ZBTB40: variants seen among roughly 807,000 people sequenced by gnomAD.
The protein encoded by ZBTB40 is zinc finger and BTB domain containing 40.
ZBTB40 carries 60 observed loss-of-function variants against 117.5 expected under a neutral mutation model. The ratio of observed to expected loss-of-function variants is 0.51; its 90% confidence interval spans 0.41 to 0.63. The LOEUF (loss-of-function observed/expected upper bound fraction) is 0.63, where lower values mean the gene tolerates loss of function less well. Among genes scored for constraint, ZBTB40 ranks in the 30% least tolerant of loss-of-function variants. ZBTB40 has a pLI of 0.00. For missense variants in ZBTB40, 1,287 were observed against 1,498.5 expected (o/e 0.86, Z 2.33); for synonymous variants, 525 against 577.1 (o/e 0.91, Z 1.29).
chr1:22,508,858 A>T, intron 8 of ZBTB40, 127 bp downstream of exon 8: 1 of 1,132,114 alleles, frequency 8.8e-7, no homozygotes, highest in African/African-American at 1.6e-5. Flanking sequence ...AAGGACTGGC[A>T]GTTTTGTTCA....
At chr1:22,498,333 C>T (rs1486445400) in intron 3 of ZBTB40, among the ~76,000 whole-genome samples, 2 of 152,198 alleles carry the variant, frequency 1.3e-5, no homozygotes, top group Non-Finnish European at 2.9e-5. Flanking sequence ...ATCCTAATAT[C>T]CTAATACCCT....
chr1:22,475,754 TGTGGAC>T (rs1641537088), intron 1 of ZBTB40, among the ~76,000 whole-genome samples: 1 of 152,240 alleles, frequency 6.6e-6, no homozygotes, highest in Non-Finnish European at 1.5e-5. Context: ...ACCATCTCCC[TGTGGAC>T]AAGGATCTTG....
At chr1:22,443,580 G>C (rs1442509087) in intron 1 of ZBTB40, among the ~76,000 whole-genome samples, 1 of 152,214 alleles carries the variant, frequency 6.6e-6, no homozygotes, top group Non-Finnish European at 1.5e-5. Context: ...GCTTCAGAGA[G>C]AATAGATGGT....
At chr1:22,521,845 C>T (rs537089687) in intron 15 of ZBTB40, among the ~76,000 whole-genome samples, 187 bp downstream of exon 15, 1 of 152,322 alleles carries the variant, frequency 6.6e-6, no homozygotes, top group South Asian at 2.1e-4. Context: ...CAGTGGTTCT[C>T]AAACCTGGAA....
At chr1:22,512,787 TG>T in intron 11 of ZBTB40, 136 bp from the exon 12 acceptor site, 4 of 947,288 alleles carry the variant, frequency 4.2e-6, no homozygotes, top group Non-Finnish European at 6.6e-6. Context: ...GGTACCAGCG[TG>T]GCCTGGCACC....
intron 10 of ZBTB40, 28 bp downstream of exon 10, chr1:22,511,375 G>T (rs185973853): frequency 6.8e-6 from 11 of 1,612,250 alleles, no homozygotes; most frequent in Admixed American, 6.7e-5. Flanking sequence ...TGGGAAGGGG[G>T]TTCCTATCAG....
rs759924811 is a variant in ZBTB40 at position 22,509,142 on chromosome 1, A to G, written c.1742A>G (p.His581Arg). The change falls in exon 9 of 18, where the codon CAT becomes CGT. Residue 581 changes from histidine to arginine, a missense_variant. By Grantham distance (29) the His-to-Arg change is conservative (BLOSUM62 0). Around this residue, in one of 2 missense-constraint regions of ZBTB40, gnomAD observed 870 missense variants for 934.4 expected, o/e 0.93. Transcript: ENST00000375647. ...GCCACTTTAGAAACAATCCTGAGGC[A>G]TAACCAGTTGATCTTGGAGGCCATC... ...EHATLETILR[H>R]NQLILEAIQQ... 33 of 1,614,036 alleles carry G rather than the reference A, an allele frequency of 2.0e-5. No homozygotes were observed. Among genetic ancestry groups the G allele is most frequent in the Non-Finnish European group, 2.6e-5 (31 of 1,180,038 alleles).
At chr1:22,494,221 T>G (rs1638711941) in intron 3 of ZBTB40, among the ~76,000 whole-genome samples, 2 of 152,178 alleles carry the variant, frequency 1.3e-5, no homozygotes, top group African/African-American at 4.8e-5. Context: ...CACGAGATGG[T>G]TTGCTGTTAC....
intron 1 of ZBTB40, among the ~76,000 whole-genome samples, chr1:22,482,033 C>A (rs1236085416): frequency 6.6e-6 from 1 of 151,832 alleles, no homozygotes; most frequent in Non-Finnish European, 1.5e-5. Context: ...GATAAAAATT[C>A]CAGTCGCCTA....
intron 1 of ZBTB40, among the ~76,000 whole-genome samples, chr1:22,472,006 G>A (rs1481357771): frequency 6.6e-6 from 1 of 152,166 alleles, no homozygotes; most frequent in East Asian, 1.9e-4. Flanking sequence ...GGCTGGCTGG[G>A]AACTGTAACC....
intron 1 of ZBTB40, among the ~76,000 whole-genome samples, chr1:22,433,916 GA>G (rs1200307544): frequency 1.3e-5 from 2 of 151,666 alleles, no homozygotes; most frequent in Non-Finnish European, 2.9e-5. Context: ...CCTATTTCAG[GA>G]ATCCTTTCAG....
At position 22,530,524 on chromosome 1, in the gene ZBTB40, C is replaced by T. The variant is rs891901577; in HGVS notation, c.*4128C>T. The T allele has an allele frequency of 6.6e-6, 1 of 152,224 alleles. No homozygotes were observed. Among genetic ancestry groups the T allele is most frequent in the African/African-American group, 2.4e-5 (1 of 41,390 alleles). 9.4% of individuals were successfully genotyped at this position (152,224 alleles called of 1,614,324 possible). On this transcript the variant is annotated 3_prime_UTR_variant, in exon 18 of 18. Coordinates refer to ENST00000375647, the MANE Select transcript of ZBTB40 (RefSeq NM_014870.4). ...CTCCCTGGCTAATTAAGATTGCTTC[C>T]AAATTGGGGGAATGTGTGTCATTTC...
Position 22,526,606 on chromosome 1 carries a change from T to C in ZBTB40, c.*210T>C. 1.6e-6 allele frequency: 1 copy of C among 611,304 alleles called. No individual in the cohort carries two copies. Among genetic ancestry groups the C allele is most frequent in the Middle Eastern group, 4.5e-4 (1 of 2,206 alleles). The allele number at this position is 611,304 out of a possible 1,614,324, so 37.9% of individuals were successfully genotyped here. Reference sequence around the variant, plus strand: ...GCCCTCAACACCAACAGCACCATCCTCTGTAGCAGACAGGCCTCCCTCCCC... The same window carrying C: ...GCCCTCAACACCAACAGCACCATCCCCTGTAGCAGACAGGCCTCCCTCCCC... On this transcript the variant is annotated 3_prime_UTR_variant, in exon 18 of 18. Transcript: ENST00000375647.
At chr1:22,493,171 T>C (rs1276284369) in intron 3 of ZBTB40, among the ~76,000 whole-genome samples, 1 of 152,232 alleles carries the variant, frequency 6.6e-6, no homozygotes, top group Non-Finnish European at 1.5e-5. Context: ...CTTGTTCTAA[T>C]CTTTTGATGG....
At chr1:22,507,529 A>G (rs1324211047) in intron 6 of ZBTB40, among the ~76,000 whole-genome samples, 1 of 152,208 alleles carries the variant, frequency 6.6e-6, no homozygotes. Context: ...CTTAACTTCC[A>G]AGTAAATATG....
chr1:22,486,354 A>G (rs1638465956), intron 1 of ZBTB40, among the ~76,000 whole-genome samples: 1 of 152,086 alleles, frequency 6.6e-6, no homozygotes. Context: ...GGAGTTGGGT[A>G]TTTGTTTTTT....
At chr1:22,479,988 C>T (rs1638244100) in intron 1 of ZBTB40, among the ~76,000 whole-genome samples, 1 of 152,124 alleles carries the variant, frequency 6.6e-6, no homozygotes, top group Non-Finnish European at 1.5e-5. Flanking sequence ...CTCACTGCAA[C>T]CTCCGTCTCC....
intron 12 of ZBTB40, 50 bp from the exon 13 acceptor site, chr1:22,517,250 A>G (rs1639395569): frequency 6.2e-7 from 1 of 1,610,040 alleles, no homozygotes; most frequent in Admixed American, 1.7e-5. Context: ...GTTTGTAGCA[A>G]TGCCATAAAT....
intron 1 of ZBTB40, among the ~76,000 whole-genome samples, chr1:22,431,387 T>TATATATAC (rs1640586746): frequency 6.3e-5 from 1 of 15,808 alleles, no homozygotes; most frequent in African/African-American, 7.6e-5. Context: ...TGTGTGTGTA[T>TATATATAC]ATATATATAT....
Sources: gnomAD v4.1 joint callset for allele counts (sites outside exome capture counted in the v4.1 genomes callset) on GRCh38, gnomAD v4.1.1 for gene constraint, gnomAD v4.1.1 regional missense constraint, MANE v1.5 for transcripts, NCBI Gene and HGNC (gene_info 2026-07-23, HGNC 2026-07-21) for gene names.